Variants in ADCY8 observed in about 807,000 individuals in gnomAD.
The protein encoded by ADCY8 is adenylate cyclase type 8.
In ADCY8, 51 loss-of-function variants were observed where a neutral mutation model predicts 119.7. The ratio of observed to expected loss-of-function variants is 0.43; its 90% CI spans 0.34 to 0.54. The LOEUF (loss-of-function observed/expected upper bound fraction) is 0.54. Ranked by LOEUF, ADCY8 falls within the 20% of genes least tolerant of loss-of-function variation. The probability of loss-of-function intolerance (pLI) is 0.03; values close to 1 mark genes in which losing one functional copy is unlikely to be tolerated. For missense variants in ADCY8, 1,383 were observed against 1,598.8 expected (o/e 0.87, Z 2.30); for synonymous variants, 665 against 651.0 (o/e 1.02, Z -0.33).
At position 130,903,464 on chromosome 8, in the gene ADCY8, G is replaced by GT. The variant is rs35382013; in HGVS notation, c.1911+307dup. The stretch of plus-strand genomic sequence containing the variant: ...GGGTTTATTTTTTCCAACATGAGTG[G>GT]TTTTTTTTTTTTTTTGGTAAAATTA... On this transcript the variant is annotated intron_variant, in intron 7 of 17. Transcript: ENST00000286355. Among the ~76,000 whole-genome samples the GT allele has an allele frequency of 2.5e-3, 311 of 124,698 alleles. 1 individual carries two copies. The highest frequency in any genetic ancestry group is 0.012 in the East Asian group (51 of 4,314). 81.8% of individuals were successfully genotyped at this position (124,698 alleles called of 152,430 possible). A position where few individuals can be genotyped will look rare whatever the true frequency, so the allele number is the denominator to read the frequency against.
At chr8:130,936,408 C>T (rs1446014042) in intron 5 of ADCY8, among the ~76,000 whole-genome samples, 1 of 152,190 alleles carries the variant, frequency 6.6e-6, no homozygotes, top group Non-Finnish European at 1.5e-5. Flanking sequence ...GGATAAAGTG[C>T]AACCTCTTAA....
intron 11 of ADCY8, among the ~76,000 whole-genome samples, chr8:130,843,594 C>T (rs1817210496): frequency 6.6e-6 from 1 of 152,156 alleles, no homozygotes. Context: ...GACTGATGCC[C>T]AGTGCCTTGA....
chr8:130,847,637 G>A, intron 10 of ADCY8, 124 bp from the exon 11 acceptor site: 2 of 718,190 alleles, frequency 2.8e-6, no homozygotes, highest in Non-Finnish European at 2.3e-6. Flanking sequence ...AGCCTGGGTA[G>A]ACTGAACCCT....
chr8:130,926,699 TA>T (rs1820477299), intron 5 of ADCY8, among the ~76,000 whole-genome samples: 2 of 152,274 alleles, frequency 1.3e-5, no homozygotes, highest in South Asian at 4.1e-4. Flanking sequence ...TTCTCCTATC[TA>T]ATTGAAATTT....
intron 14 of ADCY8, among the ~76,000 whole-genome samples, chr8:130,807,410 A>C (rs1024587597): frequency 1.4e-3 from 214 of 152,328 alleles, no homozygotes; most frequent in Non-Finnish European, 2.6e-3. Flanking sequence ...CATATGTTGA[A>C]ACTTCACTGC....
chr8:131,027,492 T>A (rs888920372), intron 1 of ADCY8, among the ~76,000 whole-genome samples: 20 of 152,012 alleles, frequency 1.3e-4, no homozygotes, highest in Admixed American at 1.1e-3. Flanking sequence ...CAGCGGAGCA[T>A]GGGGTGGCTT....
At chr8:130,812,987 G>C (rs571016754) in intron 14 of ADCY8, among the ~76,000 whole-genome samples, 6 of 143,466 alleles carry the variant, frequency 4.2e-5, no homozygotes, top group East Asian at 4.1e-4. Context: ...TCAGTCTGTC[G>C]CCCAGGCTGG....
intron 1 of ADCY8, among the ~76,000 whole-genome samples, chr8:131,011,972 A>G (rs1823321299): frequency 1.3e-5 from 2 of 152,212 alleles, no homozygotes; most frequent in South Asian, 4.1e-4. Flanking sequence ...GGTAGAATAC[A>G]TGAGTCAGGG....
intron 2 of ADCY8, among the ~76,000 whole-genome samples, chr8:130,979,653 A>T (rs747290881): frequency 6.6e-6 from 1 of 152,236 alleles, no homozygotes; most frequent in Non-Finnish European, 1.5e-5. Context: ...CCAGGTGTAC[A>T]ACTTACTAGC....
At chr8:130,942,932 GCAGAT>G (rs1237309907) in intron 4 of ADCY8, among the ~76,000 whole-genome samples, 1 of 152,192 alleles carries the variant, frequency 6.6e-6, no homozygotes, top group Non-Finnish European at 1.5e-5. Flanking sequence ...GGATGGCCCA[GCAGAT>G]TACTGGTTTT....
chr8:130,874,479 A>T (rs1204852726), intron 8 of ADCY8, among the ~76,000 whole-genome samples: 1 of 151,596 alleles, frequency 6.6e-6, no homozygotes, highest in East Asian at 1.9e-4. Context: ...ATTAAGAGCA[A>T]TTAATTCTAT....
At chr8:130,951,831 C>A in intron 3 of ADCY8, 37 bp downstream of exon 3, 1 of 1,611,700 alleles carries the variant, frequency 6.2e-7, no homozygotes, top group Non-Finnish European at 8.5e-7. Context: ...ACACATGGAT[C>A]ATGCAAGAGC....
At chr8:130,966,799 T>A (rs894270102) in intron 2 of ADCY8, among the ~76,000 whole-genome samples, 1 of 152,220 alleles carries the variant, frequency 6.6e-6, no homozygotes, top group Non-Finnish European at 1.5e-5. Flanking sequence ...ATCTATTTTA[T>A]AGGGTTGGTG....
chr8:130,987,279 A>G (rs1006482731), intron 2 of ADCY8, among the ~76,000 whole-genome samples: 5 of 152,084 alleles, frequency 3.3e-5, no homozygotes, highest in Non-Finnish European at 7.4e-5. Flanking sequence ...GCCTTCTGCA[A>G]GCCTCCAGGT....
chr8:130,953,913 C>T (rs753592656), intron 2 of ADCY8, among the ~76,000 whole-genome samples: 37 of 152,250 alleles, frequency 2.4e-4, no homozygotes, highest in Non-Finnish European at 5.0e-4. Flanking sequence ...AATGCCCCAA[C>T]ATCATGTCCA....
chr8:131,040,325 G>T lies in ADCY8; in HGVS notation c.9C>A (p.Leu3=). Residue 3 remains leucine, a synonymous_variant, in exon 1 of 18, where the codon CTC becomes CTA. Coordinates refer to ENST00000286355, the MANE Select transcript of ADCY8 (RefSeq NM_001115.3). ...TGCCTGTAAGGCAGCGCACATCGGAGAGCTCCATGGCTCTGGGCCGCAGGG... is the reference window on the plus strand; with the variant it reads ...TGCCTGTAAGGCAGCGCACATCGGATAGCTCCATGGCTCTGGGCCGCAGGG... ME[L]SDVRCLTGSE... 6.6e-7 allele frequency: 1 copy of T among 1,526,178 alleles called. No homozygotes were observed. 94.5% of individuals were successfully genotyped at this position (1,526,178 alleles called of 1,614,324 possible). A position where few individuals can be genotyped will look rare whatever the true frequency, so the allele number is the denominator to read the frequency against.
intron 1 of ADCY8, among the ~76,000 whole-genome samples, chr8:130,998,046 G>A (rs527343798): frequency 1.3e-5 from 2 of 152,226 alleles, no homozygotes; most frequent in East Asian, 1.9e-4. Context: ...TTTATGGAAC[G>A]AGTTCTATGT....
intron 9 of ADCY8, among the ~76,000 whole-genome samples, chr8:130,851,113 T>G (rs1194607757): frequency 6.6e-6 from 1 of 152,176 alleles, no homozygotes; most frequent in Non-Finnish European, 1.5e-5. Context: ...TGCAATCATC[T>G]TTTTTGCTTT....
chr8:131,001,174 C>T (rs528262075), intron 1 of ADCY8, among the ~76,000 whole-genome samples: 27 of 152,038 alleles, frequency 1.8e-4, no homozygotes, highest in African/African-American at 4.6e-4. Flanking sequence ...AATTCTGGAG[C>T]GGTGATTACC....
Sources: allele counts gnomAD v4.1 joint callset (sites outside exome capture counted in the v4.1 genomes callset), GRCh38; gene constraint gnomAD v4.1.1; transcripts MANE v1.5; gene names NCBI Gene and HGNC (gene_info 2026-07-23, HGNC 2026-07-21).